ANGPTL6: variants seen among roughly 807,000 people sequenced by gnomAD.
ANGPTL6 encodes angiopoietin like 6, also known as angiopoietin-related protein 6.
In ANGPTL6, 45 loss-of-function variants were observed where a neutral mutation model predicts 47.4. That is an observed-to-expected ratio of 0.95 (90% CI 0.75 to 1.22). The LOEUF is 1.22. ANGPTL6 is among the 50% of genes most tolerant of loss of function. The pLI, the probability that ANGPTL6 is intolerant of heterozygous loss-of-function variation, is 0.00. For synonymous variants in ANGPTL6, 290 were observed against 295.9 expected (o/e 0.98, Z 0.20); for missense variants, 698 against 669.4 (o/e 1.04, Z -0.47).
At position 10,092,644 on chromosome 19, in the gene ANGPTL6, C is replaced by A. The variant is rs2088417802; in HGVS notation, c.1358G>T (p.Gly453Val). Residue 453 changes from glycine (G) to valine (V), a missense_variant, in exon 6 of 6, where the codon GGT becomes GTT. Gly to Val is a moderately radical substitution (Grantham distance 109, BLOSUM62 -3). Transcript: ENST00000253109. ...GGCCTTCCTGAGAGAATATGCCCCACCACGAAACTCAGCCCAGTAGACACC... is the reference window on the plus strand; with the variant it reads ...GGCCTTCCTGAGAGAATATGCCCCAACACGAAACTCAGCCCAGTAGACACC... ...QDGVYWAEFR[G>V]GAYSLRKAAM... is the part of the protein sequence containing the mutation. 1 of 1,613,566 alleles carries A rather than the reference C, an allele frequency of 6.2e-7. No homozygotes were observed.
rs1473853551 is a variant in ANGPTL6 at position 10,093,709 on chromosome 19, G to A, written c.935C>T (p.Thr312Ile). The change falls in exon 4 of 6, where the codon ACC becomes ATC. Residue 312 changes from threonine (T) to isoleucine (I), a missense_variant. By Grantham distance (89) the Thr-to-Ile change is moderately conservative. Coordinates refer to ENST00000253109, the MANE Select transcript of ANGPTL6 (RefSeq NM_031917.3). ...RQDGSVNFFT[T>I]WQHYKAGFGR... The stretch of plus-strand genomic sequence containing the variant: ...TGTGCCCACCTTATAGTGCTGCCAG[G>A]TAGTGAAGAAGTTGACTGAACCATC... 1 of 1,614,268 alleles carries A rather than the reference G, an allele frequency of 6.2e-7. No individual in the cohort carries two copies. The highest frequency in any genetic ancestry group is 2.2e-5 in the East Asian group (1 of 44,892).
In ANGPTL6 at chr19:10,096,372, C is replaced by A; in HGVS notation, c.192G>T (p.Ala64=). The A allele has an allele frequency of 7.7e-7, 1 of 1,296,422 alleles. No individual in the cohort carries two copies. The highest frequency in any genetic ancestry group is 9.7e-7 in the Non-Finnish European group (1 of 1,026,708). 80.3% of individuals were successfully genotyped at this position (1,296,422 alleles called of 1,614,324 possible). A position where few individuals can be genotyped will look rare whatever the true frequency, so the allele number is the denominator to read the frequency against. Residue 64 remains alanine, a synonymous_variant, in exon 2 of 6, where the codon GCG becomes GCT. Coordinates refer to ENST00000253109, the MANE Select transcript of ANGPTL6 (RefSeq NM_031917.3). ...PEAANASELA[A]LRMRVGRHEE... The stretch of plus-strand genomic sequence containing the variant: ...CGTGGCGGCCGACGCGCATGCGCAG[C>A]GCCGCCAGCTCGCTGGCGTTGGCGG...
In ANGPTL6 at chr19:10,096,498, C is replaced by A; in HGVS notation, c.66G>T (p.Ala22=). Residue 22 remains alanine, a synonymous_variant, in exon 2 of 6, where the codon GCG becomes GCT. Coordinates refer to ENST00000253109, the MANE Select transcript of ANGPTL6 (RefSeq NM_031917.3). ...AGGTGTAGGTGCAGCGCGGGGCGCC[C>A]GCCCGCGCCCACGACGCGCCCAGCA... is the stretch of plus-strand genomic sequence containing the variant. The part of the protein sequence containing the change: ...LLLLGASWAR[A]GAPRCTYTFV... The A allele has an allele frequency of 6.6e-7, 1 of 1,512,824 alleles. No individual in the cohort carries two copies. The highest frequency in any genetic ancestry group is 8.8e-7 in the Non-Finnish European group (1 of 1,137,488). 93.7% of individuals were successfully genotyped at this position (1,512,824 alleles called of 1,614,324 possible).
At position 10,092,793 on chromosome 19, in the gene ANGPTL6, G is replaced by C. The variant is rs778479876; in HGVS notation, c.1223-14C>G. 8.2e-6 allele frequency: 13 copies of C among 1,582,094 alleles called. No homozygotes were observed. In the South Asian group the frequency reaches 1.2e-4, roughly 15 times the overall value. On this transcript the variant is annotated splice_polypyrimidine_tract_variant and intron_variant, in intron 5 of 5. Coordinates refer to ENST00000253109, the MANE Select transcript of ANGPTL6 (RefSeq NM_031917.3). ...GGGCACAGTTACCTGAGGGGAGAGA[G>C]AGAGTCCATGTCCTCTCACCAGAAT...
At chr19:10,099,001 G>A (rs73922323) in intron 1 of ANGPTL6, among the ~76,000 whole-genome samples, 1,730 of 152,104 alleles carry the variant, frequency 0.011, 32 homozygotes, top group African/African-American at 0.038. Context: ...AGCCAGACCC[G>A]TCTGCTCTTC....
upstream of ANGPTL6, chr19:10,102,904 C>T: frequency 1.9e-6 from 1 of 518,914 alleles, no homozygotes; most frequent in Non-Finnish European, 2.5e-6. Flanking sequence ...CACTGCAGAG[C>T]CCAGAGCGTG....
Position 10,092,498 on chromosome 19 carries a change from G to A in ANGPTL6, c.*91C>T. 1 of 1,522,344 alleles carries A rather than the reference G, an allele frequency of 6.6e-7. No individual in the cohort carries two copies. The highest frequency in any genetic ancestry group is 1.3e-5 in the South Asian group (1 of 78,542). 94.3% of individuals were successfully genotyped at this position (1,522,344 alleles called of 1,614,324 possible). On this transcript the variant is annotated 3_prime_UTR_variant, in exon 6 of 6. Transcript: ENST00000253109. ...AGTGGGAAGTTCTGTGGGACACATT[G>A]GCACTGAGCCACAAAGAAGGTGTGG... is the stretch of plus-strand genomic sequence containing the variant.
intron 5 of ANGPTL6, 142 bp downstream of exon 5, chr19:10,093,207 T>C: frequency 8.4e-7 from 1 of 1,186,682 alleles, no homozygotes; most frequent in Middle Eastern, 2.9e-4. Context: ...GTCCTGACCT[T>C]TGTTCTCTTG....
upstream of ANGPTL6, among the ~76,000 whole-genome samples, chr19:10,103,573 G>A (rs866383270): frequency 2.0e-5 from 3 of 149,206 alleles, no homozygotes; most frequent in East Asian, 1.9e-4. Context: ...CAGCCTGGGC[G>A]ACAAGACTGA....
rs2088458494 is a variant in ANGPTL6 at position 10,093,780 on chromosome 19, C to T, written c.864G>A (p.Glu288=). The change falls in exon 4 of 6, where the codon GAG becomes GAA. Residue 288 remains glutamate, a synonymous_variant. Coordinates refer to ENST00000253109, the MANE Select transcript of ANGPTL6 (RefSeq NM_031917.3). ...VGRHVVSVWC[E]QQLEGGGWTV... Reference sequence around the variant, plus strand: ...TCCAGCCTCCACCCTCCAGTTGCTGCTCACACCATACTGACACTACGTGAC... The same window carrying T: ...TCCAGCCTCCACCCTCCAGTTGCTGTTCACACCATACTGACACTACGTGAC... 4 of 1,614,218 alleles carry T rather than the reference C, an allele frequency of 2.5e-6. No individual in the cohort carries two copies. Among genetic ancestry groups the T allele is most frequent in the Admixed American group, 1.7e-5 (1 of 60,032 alleles).
Position 10,093,482 on chromosome 19 carries a change from G to A in ANGPTL6, c.1089C>T (p.Gly363=), listed in dbSNP as rs1409783879. 6.2e-7 allele frequency: 1 copy of A among 1,614,220 alleles called. No homozygotes were observed. Among genetic ancestry groups the A allele is most frequent in the Non-Finnish European group, 8.5e-7 (1 of 1,180,044 alleles). The part of the protein sequence containing the change: ...GGRGARAHYD[G]FSLEPESDHY... ...GGTCGCTCTCGGGTTCCAGGGAGAA[G>A]CCATCATAGTGGGCACGTGCTCCAC... The change falls in exon 5 of 6, where the codon GGC becomes GGT. Residue 363 remains glycine, a synonymous_variant. Transcript: ENST00000253109.
At chr19:10,103,624 T>TATA (rs1555757145), upstream of ANGPTL6, among the ~76,000 whole-genome samples, 75 of 126,108 alleles carry the variant, frequency 5.9e-4, no homozygotes, top group East Asian at 0.014. Context: ...AATAAATAAA[T>TATA]AATAAATAAA....
intron 1 of ANGPTL6, 40 bp downstream of exon 1, chr19:10,102,528 C>G: frequency 1.0e-6 from 1 of 980,698 alleles, no homozygotes; most frequent in African/African-American, 1.7e-5. Context: ...AGTTTCCCCA[C>G]AGTGAGAATC....
chr19:10,099,773 A>C (rs1182916978), intron 1 of ANGPTL6, among the ~76,000 whole-genome samples: 7 of 150,956 alleles, frequency 4.6e-5, no homozygotes, highest in Non-Finnish European at 1.0e-4. Context: ...CGCTCCTTGA[A>C]CAGCAGATTT....
At chr19:10,105,819 G>A (rs904705873), upstream of ANGPTL6, among the ~76,000 whole-genome samples, 1 of 152,210 alleles carries the variant, frequency 6.6e-6, no homozygotes, top group African/African-American at 2.4e-5. Flanking sequence ...AGGAGGGGGC[G>A]AGTTATTCAC....
At chr19:10,093,273 T>C (rs1335985168) in intron 5 of ANGPTL6, 76 bp downstream of exon 5, 2 of 1,540,220 alleles carry the variant, frequency 1.3e-6, no homozygotes, top group Non-Finnish European at 1.8e-6. Flanking sequence ...TTACCTACCC[T>C]ACCTCCTTTC....
chr19:10,096,418 G>A lies in ANGPTL6; in HGVS notation c.146C>T (p.Ser49Phe), dbSNP rs1234679775. The change falls in exon 2 of 6, where the codon TCC becomes TTC. Residue 49 changes from serine (S) to phenylalanine (F), a missense_variant. Coordinates refer to ENST00000253109, the MANE Select transcript of ANGPTL6 (RefSeq NM_031917.3). ...TGAVCWSGPA[S>F]TRATPEAANA... ...GGCGGCCTCGGGCGTCGCCCGCGTG[G>A]ATGCGGGGCCGCTCCAGCACACAGC... is the stretch of plus-strand genomic sequence containing the variant. 1.5e-6 allele frequency: 2 copies of A among 1,326,852 alleles called. No individual in the cohort carries two copies. The highest frequency in any genetic ancestry group is 1.9e-6 in the Non-Finnish European group (2 of 1,042,450). The allele number at this position is 1,326,852 out of a possible 1,614,324, so 82.2% of individuals were successfully genotyped here. A position where few individuals can be genotyped will look rare whatever the true frequency, so the allele number is the denominator to read the frequency against.
At position 10,095,176 on chromosome 19, in the gene ANGPTL6, G is replaced by A. The variant is rs537664773; in HGVS notation, c.583-238C>T. ...TAATCCCAGCACTTTGGGAGGCCGA[G>A]GCGGGCGGATCACCTGAGGTCAGGA... On this transcript the variant is annotated intron_variant, in intron 2 of 5. Coordinates refer to ENST00000253109, the MANE Select transcript of ANGPTL6 (RefSeq NM_031917.3). 1.1e-3 allele frequency among the ~76,000 whole-genome samples: 174 copies of A among 152,324 alleles called. 1 individual carries two copies. Among genetic ancestry groups the A allele is most frequent in the Middle Eastern group, 6.8e-3 (2 of 294 alleles).
At chr19:10,102,406 A>T in intron 1 of ANGPTL6, 162 bp downstream of exon 1, 5 of 165,924 alleles carry the variant, frequency 3.0e-5, no homozygotes, top group Non-Finnish European at 6.0e-5. Flanking sequence ...CCCACAACAG[A>T]GATTGAGCAA....
Sources: allele counts gnomAD v4.1 joint callset (sites outside exome capture counted in the v4.1 genomes callset), GRCh38; gene constraint gnomAD v4.1.1; transcripts MANE v1.5; gene names NCBI Gene and HGNC (gene_info 2026-07-23, HGNC 2026-07-21).